The following TENM4 variants were observed in gnomAD, a reference collection of about 807,000 sequenced individuals.
TENM4 encodes teneurin-4.
Under a neutral mutation model 243.3 loss-of-function variants are expected in TENM4, and 82 were observed. The ratio of observed to expected loss-of-function variants is 0.34; its 90% CI spans 0.28 to 0.40. TENM4 has a LOEUF of 0.40. TENM4 is among the 10% of genes least tolerant of loss of function. TENM4 has a pLI of 1.00. For missense variants in TENM4, 3,138 were observed against 3,673.3 expected (o/e 0.85, Z 3.77); for synonymous variants, 1,412 against 1,456.3 (o/e 0.97, Z 0.69).
At chr11:79,149,194 A>T (rs1296051990) in intron 3 of TENM4, among the ~76,000 whole-genome samples, 1 of 152,124 alleles carries the variant, frequency 6.6e-6, no homozygotes, top group Non-Finnish European at 1.5e-5. Context: ...CAGCACAGAG[A>T]AAGGTACCAG....
rs114781374 is a variant in TENM4 at position 79,168,512 on chromosome 11, T to G, written c.-162-19706A>C. Among the ~76,000 whole-genome samples the G allele has an allele frequency of 4.7e-3, 711 of 152,180 alleles. 7 individuals are homozygous for G. The highest frequency in any genetic ancestry group is 0.016 in the African/African-American group (646 of 41,516). On this transcript the variant is annotated intron_variant, in intron 3 of 33. Transcript: ENST00000278550. ...CTGTATTTACTGGGACCACATGGAC[T>G]AAAGGGAGAGGAGAGAAAGCTAGAC...
At chr11:79,004,198 T>C (rs140238659) in intron 6 of TENM4, among the ~76,000 whole-genome samples, 232 of 152,244 alleles carry the variant, frequency 1.5e-3, no homozygotes, top group African/African-American at 5.4e-3. Flanking sequence ...TAGTGGGAGC[T>C]GTCAATGTCC....
At chr11:78,898,021 T>A (rs1478147720) in intron 7 of TENM4, among the ~76,000 whole-genome samples, 2 of 152,214 alleles carry the variant, frequency 1.3e-5, no homozygotes, top group Non-Finnish European at 2.9e-5. Context: ...AGACAGTCCC[T>A]GGGAAATCAA....
intron 1 of TENM4, among the ~76,000 whole-genome samples, chr11:79,416,047 A>C (rs1858805896): frequency 6.6e-6 from 1 of 152,142 alleles, no homozygotes; most frequent in South Asian, 2.1e-4. Flanking sequence ...AGATTGATCC[A>C]TGTTGTTGGG....
intron 28 of TENM4, among the ~76,000 whole-genome samples, chr11:78,697,643 ACTAT>A (rs1391454633): frequency 1.3e-5 from 2 of 152,186 alleles, no homozygotes; most frequent in Admixed American, 6.5e-5. Context: ...TAAAATATTG[ACTAT>A]CTGTCAGCCG....
intron 6 of TENM4, among the ~76,000 whole-genome samples, chr11:78,977,670 G>C (rs1287948985): frequency 6.6e-6 from 1 of 152,220 alleles, no homozygotes; most frequent in East Asian, 1.9e-4. Context: ...TCTCACGCCA[G>C]TTAGAATGGC....
chr11:79,411,226 G>A (rs1858693651), intron 1 of TENM4, among the ~76,000 whole-genome samples: 1 of 152,186 alleles, frequency 6.6e-6, no homozygotes, highest in African/African-American at 2.4e-5. Flanking sequence ...AGGCTCCCTA[G>A]AAATCTAGAG....
chr11:79,415,310 G>A (rs1858789792), intron 1 of TENM4, among the ~76,000 whole-genome samples: 1 of 152,206 alleles, frequency 6.6e-6, no homozygotes, highest in South Asian at 2.1e-4. Flanking sequence ...CCCCAAGGAA[G>A]TAAAGTGCAT....
At chr11:79,287,456 A>G (rs1395394408) in intron 2 of TENM4, among the ~76,000 whole-genome samples, 1 of 152,176 alleles carries the variant, frequency 6.6e-6, no homozygotes, top group African/African-American at 2.4e-5. Flanking sequence ...CAAAGATTTA[A>G]TGTAGTCCTT....
intron 1 of TENM4, among the ~76,000 whole-genome samples, chr11:79,346,084 G>A (rs1291567368): frequency 1.3e-5 from 2 of 152,166 alleles, no homozygotes; most frequent in Non-Finnish European, 2.9e-5. Context: ...GCATAAGATG[G>A]CTGAAGAGGA....
chr11:78,948,653 G>A (rs1857055197), intron 6 of TENM4, among the ~76,000 whole-genome samples: 1 of 152,172 alleles, frequency 6.6e-6, no homozygotes. Flanking sequence ...TTACAGGCGT[G>A]AGCCACTGCG....
At chr11:78,943,600 A>C (rs1458178136) in intron 6 of TENM4, among the ~76,000 whole-genome samples, 2 of 152,326 alleles carry the variant, frequency 1.3e-5, no homozygotes, top group East Asian at 3.9e-4. Context: ...GAGGGATAGA[A>C]ATTTTCAAGG....
intron 4 of TENM4, among the ~76,000 whole-genome samples, chr11:79,074,707 C>A (rs1035679111): frequency 6.6e-6 from 1 of 152,156 alleles, no homozygotes; most frequent in East Asian, 1.9e-4. Context: ...CACCTAAGGG[C>A]GGCACCAGGA....
intron 23 of TENM4, 27 bp from the exon 24 acceptor site, chr11:78,722,944 C>G (rs1026562214): frequency 1.9e-6 from 3 of 1,604,378 alleles, no homozygotes; most frequent in African/African-American, 2.7e-5. Flanking sequence ...ACAGAATTGC[C>G]TGTGGAGCAG....
chr11:79,127,566 C>A (rs186714216), intron 4 of TENM4, among the ~76,000 whole-genome samples: 1 of 152,338 alleles, frequency 6.6e-6, no homozygotes, highest in East Asian at 1.9e-4. Context: ...CTTCAGCTGG[C>A]AAGGCCAGCA....
chr11:79,229,444 T>C (rs1438952268), intron 2 of TENM4, among the ~76,000 whole-genome samples: 2 of 152,222 alleles, frequency 1.3e-5, no homozygotes, highest in African/African-American at 4.8e-5. Context: ...ATACTTTTGC[T>C]GTTTCTTCTG....
intron 1 of TENM4, among the ~76,000 whole-genome samples, chr11:79,409,675 C>G (rs1590946062): frequency 6.6e-6 from 1 of 152,152 alleles, no homozygotes; most frequent in Admixed American, 6.5e-5. Flanking sequence ...TACGGATGCC[C>G]TCAACCCACC....
At chr11:78,799,687 A>G (rs1857240636) in intron 15 of TENM4, among the ~76,000 whole-genome samples, 1 of 152,172 alleles carries the variant, frequency 6.6e-6, no homozygotes, top group Admixed American at 6.5e-5. Flanking sequence ...TGCACGTGTT[A>G]CCTCCAAACC....
At chr11:79,266,016 T>C (rs1444203415) in intron 2 of TENM4, among the ~76,000 whole-genome samples, 1 of 152,214 alleles carries the variant, frequency 6.6e-6, no homozygotes, top group East Asian at 1.9e-4. Flanking sequence ...CCCTATCTGA[T>C]TTCCCAGGTG....
Sources: gnomAD v4.1 joint callset for allele counts (sites outside exome capture counted in the v4.1 genomes callset) on GRCh38, gnomAD v4.1.1 for gene constraint, MANE v1.5 for transcripts, NCBI Gene and HGNC (gene_info 2026-07-23, HGNC 2026-07-21) for gene names.